The following CTBP2 variants were observed in gnomAD, a reference collection of about 807,000 sequenced individuals.
CTBP2 encodes the protein C-terminal binding protein 2.
In CTBP2, 30 loss-of-function variants were observed where a neutral mutation model predicts 80.3. The observed-to-expected ratio is 0.37, with a 90% CI of 0.28 to 0.51. CTBP2 has a LOEUF of 0.51. Among genes scored for constraint, CTBP2 ranks in the 20% least tolerant of loss-of-function variants. The probability of loss-of-function intolerance (pLI) is 0.93; values close to 1 mark genes in which losing one functional copy is unlikely to be tolerated. For missense variants in CTBP2, 1,212 were observed against 1,375.3 expected, an observed-to-expected ratio of 0.88 and a Z score of 1.88; for synonymous variants, 594 against 587.4, an observed-to-expected ratio of 1.01 and a Z score of -0.16.
At chr10:125,033,210 C>A (rs1310280347) in intron 3 of CTBP2, among the ~76,000 whole-genome samples, 2 of 152,164 alleles carry the variant, frequency 1.3e-5, no homozygotes, top group African/African-American at 2.4e-5. Flanking sequence ...AGTGTGGGAT[C>A]CCACTGTGCC....
At chr10:125,106,396 C>T (rs942155480) in intron 2 of CTBP2, among the ~76,000 whole-genome samples, 1 of 152,176 alleles carries the variant, frequency 6.6e-6, no homozygotes, top group Non-Finnish European at 1.5e-5. Flanking sequence ...AAGGCTTCCA[C>T]CAGCAAGGGA....
chr10:125,129,273 G>A (rs748989788), intron 1 of CTBP2, among the ~76,000 whole-genome samples: 10 of 152,078 alleles, frequency 6.6e-5, no homozygotes, highest in Non-Finnish European at 1.3e-4. Context: ...GGGACTTTCC[G>A]GAGTGACTGT....
chr10:125,133,984 G>A (rs1049063543), intron 1 of CTBP2, among the ~76,000 whole-genome samples: 2 of 152,138 alleles, frequency 1.3e-5, no homozygotes, highest in Non-Finnish European at 1.5e-5. Flanking sequence ...AAAAAGAAAC[G>A]CACATAAAGG....
chr10:125,039,133 C>G, exon 3 of CTBP2: 1 of 1,215,188 alleles, frequency 8.2e-7, no homozygotes, highest in South Asian at 1.3e-5. Context: ...CAGGAGTCTG[C>G]GTGCATGACG....
chr10:125,027,449 G>T lies in CTBP2; in HGVS notation c.311C>A (p.Pro104His). 7 of 1,614,148 alleles carry T rather than the reference G, an allele frequency of 4.3e-6. No individual in the cohort carries two copies. Among genetic ancestry groups the T allele is most frequent in the Non-Finnish European group, 5.9e-6 (7 of 1,180,028 alleles). The change falls in exon 1 of 9, where the codon CCC becomes CAC. Residue 104 changes from proline (P) to histidine (H), a missense_variant. Pro to His is a moderately conservative substitution (Grantham distance 77, BLOSUM62 -2). Coordinates refer to ENST00000309035, the MANE Select transcript of CTBP2 (RefSeq NM_022802.3). ...ACTGTAGTACTCCCGTGGCAGCAGGGGGCTGCGACCAGACATCACTGCCTG... is the reference window on the plus strand; with the variant it reads ...ACTGTAGTACTCCCGTGGCAGCAGGTGGCTGCGACCAGACATCACTGCCTG...
intron 2 of CTBP2, among the ~76,000 whole-genome samples, chr10:125,055,049 T>G (rs1246345599): frequency 6.6e-6 from 1 of 152,140 alleles, no homozygotes. Flanking sequence ...CCCATAAATC[T>G]GGGGAACATT....
Position 124,989,342 on chromosome 10 carries a change from A to G in CTBP2, c.*176T>C. ...CATCCTAGTCTTTCAGCGCTTCCGTAAGCAGACGACATCTTCAGTTTTCTA... is the reference window on the plus strand; with the variant it reads ...CATCCTAGTCTTTCAGCGCTTCCGTGAGCAGACGACATCTTCAGTTTTCTA... On this transcript the variant is annotated 3_prime_UTR_variant, in exon 9 of 9. Coordinates refer to ENST00000309035, the MANE Select transcript of CTBP2 (RefSeq NM_022802.3). 1 of 724,402 alleles carries G rather than the reference A, an allele frequency of 1.4e-6. No homozygotes were observed. The highest frequency in any genetic ancestry group is 2.4e-6 in the Non-Finnish European group (1 of 419,444). 44.9% of individuals were successfully genotyped at this position (724,402 alleles called of 1,614,324 possible).
chr10:125,134,676 C>G (rs557817137), intron 1 of CTBP2, among the ~76,000 whole-genome samples: 4 of 152,108 alleles, frequency 2.6e-5, no homozygotes, highest in Admixed American at 2.6e-4. Context: ...CGCGGGAGGA[C>G]GAAGAGAACC....
Position 125,090,285 on chromosome 10 carries a change from C to CAAAAAAAAAAAAAAAAAAAAAAA in CTBP2, c.-102+20704_-102+20705insTTTTTTTTTTTTTTTTTTTTTTT, listed in dbSNP as rs56714830. Among the ~76,000 whole-genome samples the CAAAAAAAAAAAAAAAAAAAAAAA allele has an allele frequency of 2.0e-4, 13 of 65,430 alleles. 1 individual carries two copies. The highest frequency in any genetic ancestry group is 8.3e-4 in the African/African-American group (12 of 14,490). 42.9% of individuals were successfully genotyped at this position (65,430 alleles called of 152,430 possible). On this transcript the variant is annotated intron_variant, in intron 2 of 10. Transcript: ENST00000337195. ...TCTGGGCGACAGAGAGTCCCTGGCT[C>CAAAAAAAAAAAAAAAAAAAAAAA]AAAAAAAAAAAAAAAAAGGTTGGGG... is the stretch of plus-strand genomic sequence containing the variant.
At chr10:125,089,079 A>T (rs1214914305) in intron 2 of CTBP2, among the ~76,000 whole-genome samples, 2 of 152,246 alleles carry the variant, frequency 1.3e-5, no homozygotes, top group Non-Finnish European at 2.9e-5. Context: ...GGTAAGAATA[A>T]CATCTCTCAC....
chr10:124,991,996 C>T (rs1952707170), intron 8 of CTBP2, among the ~76,000 whole-genome samples: 1 of 151,900 alleles, frequency 6.6e-6, no homozygotes, highest in Non-Finnish European at 1.5e-5. Context: ...CTCTGCGTTC[C>T]CAAACATGGC....
At chr10:125,060,593 C>T (rs2946998) in intron 2 of CTBP2, among the ~76,000 whole-genome samples, 53,733 of 151,830 alleles carry the variant, frequency 0.35, 10,104 homozygotes, top group East Asian at 0.62. Flanking sequence ...TGGCAATGCT[C>T]ATCCCCAGCA....
intron 1 of CTBP2, among the ~76,000 whole-genome samples, chr10:125,159,667 G>A (rs1334537850): frequency 1.3e-5 from 2 of 149,856 alleles, no homozygotes; most frequent in Non-Finnish European, 3.0e-5. Context: ...GGGACCGAGA[G>A]CCGCTCACGC....
chr10:125,009,459 T>C (rs1955626333), intron 1 of CTBP2, among the ~76,000 whole-genome samples: 2 of 152,110 alleles, frequency 1.3e-5, no homozygotes, highest in South Asian at 4.1e-4. Flanking sequence ...CCCGCCTGCC[T>C]CCAAGGAAGC....
chr10:125,131,549 A>G (rs1856191398), intron 1 of CTBP2, among the ~76,000 whole-genome samples: 1 of 152,204 alleles, frequency 6.6e-6, no homozygotes, highest in Non-Finnish European at 1.5e-5. Context: ...AACCCAAGCA[A>G]GTGTAGGACA....
At chr10:125,144,320 A>C (rs1165482147) in intron 1 of CTBP2, among the ~76,000 whole-genome samples, 1 of 152,164 alleles carries the variant, frequency 6.6e-6, no homozygotes, top group African/African-American at 2.4e-5. Context: ...GTGGAGGAGA[A>C]CCAGTTCGGA....
At chr10:125,100,021 C>T (rs192083324) in intron 2 of CTBP2, among the ~76,000 whole-genome samples, 1 of 152,210 alleles carries the variant, frequency 6.6e-6, no homozygotes, top group South Asian at 2.1e-4. Flanking sequence ...ATCTAGATCA[C>T]ACATAGACTC....
intron 2 of CTBP2, among the ~76,000 whole-genome samples, chr10:125,040,417 T>C (rs538523400): frequency 1.5e-5 from 2 of 133,854 alleles, no homozygotes; most frequent in East Asian, 2.1e-4. Flanking sequence ...GTTGTACCAC[T>C]GCACTCCAAC....
intron 2 of CTBP2, among the ~76,000 whole-genome samples, chr10:125,095,623 C>T (rs941240887): frequency 6.6e-6 from 1 of 152,188 alleles, no homozygotes; most frequent in African/African-American, 2.4e-5. Flanking sequence ...GACTAAGATG[C>T]TCCTTCTTCC....
Sources: allele counts gnomAD v4.1 joint callset (sites outside exome capture counted in the v4.1 genomes callset), GRCh38; gene constraint gnomAD v4.1.1; transcripts MANE v1.5; gene names NCBI Gene and HGNC (gene_info 2026-07-23, HGNC 2026-07-21).